USP42: variants seen among roughly 807,000 people sequenced by gnomAD.
USP42 encodes the protein ubiquitin carboxyl-terminal hydrolase 42.
Under a neutral mutation model 113.0 loss-of-function variants are expected in USP42, and 23 were observed. The observed-to-expected ratio is 0.20, with a 90% CI of 0.15 to 0.29. The LOEUF (loss-of-function observed/expected upper bound fraction) is 0.29, where lower values mean the gene tolerates loss of function less well. USP42 is among the 10% of genes least tolerant of loss of function. The pLI is 1.00. For synonymous variants in USP42, 933 were observed against 699.0 expected, an observed-to-expected ratio of 1.33 and a Z score of -5.28; for missense variants, 2,174 against 1,779.8, an observed-to-expected ratio of 1.22 and a Z score of -3.99.
chr7:6,100,315 G>A (rs912026428), upstream of USP42, among the ~76,000 whole-genome samples: 60 of 150,264 alleles, frequency 4.0e-4, 2 homozygotes, highest in African/African-American at 1.4e-3. Context: ...ATTGCCTGGA[G>A]ATTTATTTAT....
chr7:6,125,603 A>AT (rs1467222131), intron 3 of USP42, among the ~76,000 whole-genome samples: 1 of 151,980 alleles, frequency 6.6e-6, no homozygotes, highest in Non-Finnish European at 1.5e-5. Flanking sequence ...TTGTTGTATT[A>AT]TTTTTTTCTT....
chr7:6,123,431 A>G (rs939592086), intron 3 of USP42, among the ~76,000 whole-genome samples: 5 of 152,196 alleles, frequency 3.3e-5, no homozygotes, highest in African/African-American at 1.2e-4. Context: ...TGGGAGGCCA[A>G]GGCGAGCAGA....
chr7:6,129,631 C>T (rs1261324768), intron 3 of USP42, among the ~76,000 whole-genome samples: 2 of 150,734 alleles, frequency 1.3e-5, no homozygotes, highest in Admixed American at 6.6e-5. Context: ...GAGGCCGAGG[C>T]GGGCGGATTA....
At chr7:6,146,103 T>G in intron 10 of USP42, 45 bp from the exon 11 acceptor site, 1 of 1,324,012 alleles carries the variant, frequency 7.6e-7, no homozygotes, top group Non-Finnish European at 1.0e-6. Context: ...ATGTTCCATG[T>G]TTAATTAAAT....
At chr7:6,125,680 A>G (rs1438028647) in intron 3 of USP42, among the ~76,000 whole-genome samples, 2 of 151,870 alleles carry the variant, frequency 1.3e-5, no homozygotes, top group Admixed American at 6.6e-5. Flanking sequence ...CTGTTTACCT[A>G]CTTGTTTACT....
At chr7:6,135,183 T>A (rs986610413) in intron 3 of USP42, among the ~76,000 whole-genome samples, 2 of 152,192 alleles carry the variant, frequency 1.3e-5, no homozygotes, top group Non-Finnish European at 2.9e-5. Context: ...TTTTCCTGTA[T>A]AGAGAGTAGC....
At chr7:6,136,410 T>G (rs545353978) in intron 4 of USP42, among the ~76,000 whole-genome samples, 1 of 152,294 alleles carries the variant, frequency 6.6e-6, no homozygotes, top group South Asian at 2.1e-4. Flanking sequence ...TGATAACAAA[T>G]TTTTAGTAAA....
chr7:6,142,499 A>T (rs1355856441), intron 7 of USP42, among the ~76,000 whole-genome samples: 1 of 152,188 alleles, frequency 6.6e-6, no homozygotes, highest in Non-Finnish European at 1.5e-5. Flanking sequence ...TACAGGCGTG[A>T]GCCACCACGC....
chr7:6,136,030 A>C, intron 4 of USP42, 79 bp downstream of exon 4: 1 of 877,098 alleles, frequency 1.1e-6, no homozygotes, highest in Admixed American at 3.4e-5. Context: ...TTCGAGACAG[A>C]GTCTTGCTCT....
At chr7:6,086,788 G>A in the USP42 span, among the ~76,000 whole-genome samples, 4 of 149,494 alleles carry the variant, frequency 2.7e-5, no homozygotes, top group South Asian at 2.1e-4. Flanking sequence ...ATGCAATGGC[G>A]CGGTCTCAGC....
intron 3 of USP42, among the ~76,000 whole-genome samples, chr7:6,124,653 C>G (rs1477724860): frequency 1.3e-5 from 2 of 152,088 alleles, no homozygotes; most frequent in African/African-American, 4.8e-5. Context: ...GGCATTATAC[C>G]TTTTACATTT....
Position 6,154,767 on chromosome 7 carries a change from C to T in USP42, c.3213C>T (p.Ala1071=). 2 of 1,555,940 alleles carry T rather than the reference C, an allele frequency of 1.3e-6. No homozygotes were observed. Among genetic ancestry groups the T allele is most frequent in the South Asian group, 1.2e-5 (1 of 84,316 alleles). The change falls in exon 15 of 18, where the codon GCC becomes GCT. Residue 1071 remains alanine, a synonymous_variant. Coordinates refer to ENST00000306177, the MANE Select transcript of USP42 (RefSeq NM_032172.3). ...YYHDRYALYA[A]RDWKPFHGGR... is the part of the protein sequence containing the mutation. ...ATGACAGGTACGCCCTGTACGCTGC[C>T]CGGGACTGGAAGCCCTTCCACGGCG...
intron 3 of USP42, among the ~76,000 whole-genome samples, chr7:6,119,230 G>T (rs1055110419): frequency 6.6e-6 from 1 of 151,844 alleles, no homozygotes; most frequent in African/African-American, 2.4e-5. Context: ...AAAAGTTTTG[G>T]AACCAGGTAA....
At chr7:6,136,808 CTTT>C (rs80342183) in intron 4 of USP42, among the ~76,000 whole-genome samples, 1 of 141,986 alleles carries the variant, frequency 7.0e-6, no homozygotes, top group Non-Finnish European at 1.5e-5. Context: ...TTCGGTTCTT[CTTT>C]TTTTTTTTTT....
the USP42 span, among the ~76,000 whole-genome samples, chr7:6,097,680 T>A: frequency 6.7e-6 from 1 of 150,268 alleles, no homozygotes; most frequent in African/African-American, 2.5e-5. Flanking sequence ...AAACTCCGCC[T>A]TCCGGGATCA....
At chr7:6,131,318 T>TA (rs1004301912) in intron 3 of USP42, among the ~76,000 whole-genome samples, 3 of 151,748 alleles carry the variant, frequency 2.0e-5, no homozygotes, top group Admixed American at 6.6e-5. Context: ...TCTACTGAAA[T>TA]ACAAACATTA....
At chr7:6,123,164 A>C (rs1469334247) in intron 3 of USP42, among the ~76,000 whole-genome samples, 1 of 152,104 alleles carries the variant, frequency 6.6e-6, no homozygotes, top group Non-Finnish European at 1.5e-5. Flanking sequence ...GTTACCATTT[A>C]TGAAATGACC....
At position 6,155,137 on chromosome 7, in the gene USP42, C is replaced by A; in HGVS notation, c.3583C>A (p.His1195Asn). ...TCTAGAAGAGCCTAAAGCAAAGAAG[C>A]ACAAAAAATCAAAGAAGAAAAAGAA... The part of the protein sequence containing the change: ...DPLEEPKAKK[H>N]KKSKKKKKSK... The change falls in exon 15 of 18, where the codon CAC (histidine) becomes AAC (asparagine). Residue 1195 changes from histidine to asparagine, a missense_variant. Coordinates refer to ENST00000306177, the MANE Select transcript of USP42 (RefSeq NM_032172.3). 1 of 1,549,224 alleles carries A rather than the reference C, an allele frequency of 6.5e-7. No homozygotes were observed. Among genetic ancestry groups the A allele is most frequent in the African/African-American group, 1.4e-5 (1 of 72,384 alleles).
chr7:6,099,211 CTTTTTTT>C, the USP42 span, among the ~76,000 whole-genome samples: 23 of 98,784 alleles, frequency 2.3e-4, 1 homozygote, highest in African/African-American at 7.0e-4. Flanking sequence ...TGTTCCCTCT[CTTTTTTT>C]TTTTTTTTTT....
Sources: gnomAD v4.1 joint callset for allele counts (sites outside exome capture counted in the v4.1 genomes callset) on GRCh38, gnomAD v4.1.1 for gene constraint, MANE v1.5 for transcripts, NCBI Gene and HGNC (gene_info 2026-07-23, HGNC 2026-07-21) for gene names.